IGF2R: variants seen among roughly 807,000 people sequenced by gnomAD.
IGF2R encodes the protein cation-independent mannose-6-phosphate receptor.
IGF2R carries 91 observed loss-of-function variants against 270.6 expected under a neutral mutation model. The observed-to-expected ratio is 0.34, with a 90% confidence interval of 0.28 to 0.40. IGF2R has a LOEUF of 0.40. Among genes scored for constraint, IGF2R ranks in the 10% least tolerant of loss-of-function variants. The pLI is 1.00. For missense variants in IGF2R, 2,805 were observed against 3,188.3 expected (o/e 0.88, Z 2.90); for synonymous variants, 1,316 against 1,258.9 (o/e 1.05, Z -0.96).
intron 3 of IGF2R, 51 bp from the exon 4 acceptor site, chr6:160,010,636 C>T (rs758024193): frequency 1.8e-6 from 2 of 1,108,562 alleles, no homozygotes; most frequent in Non-Finnish European, 2.7e-6. Flanking sequence ...AAAGAAGAAT[C>T]TTTACAATGT....
intron 20 of IGF2R, among the ~76,000 whole-genome samples, chr6:160,057,738 C>G (rs961449330): frequency 6.6e-6 from 1 of 152,170 alleles, no homozygotes; most frequent in Non-Finnish European, 1.5e-5. Context: ...TATTTCCTCT[C>G]CAACTTTAGG....
intron 30 of IGF2R, among the ~76,000 whole-genome samples, chr6:160,069,636 A>G (rs1778671154): frequency 2.0e-5 from 3 of 152,018 alleles, no homozygotes; most frequent in Admixed American, 6.6e-5. Context: ...ATTCCTCTAC[A>G]CTCACGCCCG....
At chr6:160,093,612 C>A in intron 44 of IGF2R, 1 of 704,584 alleles carries the variant, frequency 1.4e-6, no homozygotes. Flanking sequence ...ATCATCAATG[C>A]CTTCCTTCCA....
intron 12 of IGF2R, 26 bp from the exon 13 acceptor site, chr6:160,044,488 C>T: frequency 6.4e-7 from 1 of 1,557,140 alleles, no homozygotes; most frequent in Non-Finnish European, 8.8e-7. Context: ...ACCACATCTT[C>T]TGTTTTCTCC....
intron 10 of IGF2R, among the ~76,000 whole-genome samples, chr6:160,035,920 C>T (rs764505809): frequency 3.9e-5 from 6 of 152,138 alleles, no homozygotes; most frequent in South Asian, 2.1e-4. Context: ...GGAAGTGCTG[C>T]CTGAGCCACA....
chr6:160,088,102 T>C lies in IGF2R; in HGVS notation c.6275T>C (p.Ile2092Thr). ...GGAAATAAGACCGCATCCTCCGTGATAGAATTGACCTGTACAAAGACGGTG... is the reference window on the plus strand; with the variant it reads ...GGAAATAAGACCGCATCCTCCGTGACAGAATTGACCTGTACAAAGACGGTG... ...CGGNKTASSV[I>T]ELTCTKTVGR... The change falls in exon 42 of 48, where the codon ATA becomes ACA. Residue 2092 changes from isoleucine to threonine, a missense_variant. Physicochemically the swap from Ile to Thr is moderately conservative, Grantham distance 89. Around this residue, in one of 2 missense-constraint regions of IGF2R, gnomAD observed 1,851 missense variants for 2,207.2 expected, o/e 0.84. Transcript: ENST00000356956. 1.9e-6 allele frequency: 3 copies of C among 1,614,008 alleles called. No individual in the cohort carries two copies. The highest frequency in any genetic ancestry group is 2.5e-6 in the Non-Finnish European group (3 of 1,179,848).
chr6:160,013,101 G>C (rs1252846463), intron 4 of IGF2R, among the ~76,000 whole-genome samples: 1 of 151,896 alleles, frequency 6.6e-6, no homozygotes, highest in East Asian at 1.9e-4. Flanking sequence ...TACCCTTTTT[G>C]TTTTGTTTTG....
In IGF2R at chr6:160,034,491, C is replaced by T. The variant is rs1008113340; in HGVS notation, c.1284C>T (p.Ser428=). 7 of 1,610,642 alleles carry T rather than the reference C, an allele frequency of 4.3e-6. No homozygotes were observed. The highest frequency in any genetic ancestry group is 3.3e-5 in the Admixed American group (2 of 60,000). ...DECSSGFQRM[S]VINFECNKTA... ...GCAGCTCAGGGTTTCAGCGGATGAG[C>T]GTCATAAACTTTGAGTGCAATAAAA... is the stretch of plus-strand genomic sequence containing the variant. Residue 428 remains serine, a synonymous_variant, in exon 10 of 48, where the codon AGC becomes AGT. Coordinates refer to ENST00000356956, the MANE Select transcript of IGF2R (RefSeq NM_000876.4).
At chr6:160,093,427 C>G (rs1016155572) in intron 44 of IGF2R, 2 of 347,834 alleles carry the variant, frequency 5.7e-6, no homozygotes, top group African/African-American at 4.2e-5. Context: ...GTGATGGGGT[C>G]TCAGGCCTCC....
chr6:160,075,196 TAAAA>T (rs754236635), intron 35 of IGF2R, among the ~76,000 whole-genome samples: 9 of 152,150 alleles, frequency 5.9e-5, no homozygotes, highest in Non-Finnish European at 1.2e-4. Context: ...TTTTTAAAAA[TAAAA>T]AAAGAGTTTT....
intron 11 of IGF2R, among the ~76,000 whole-genome samples, chr6:160,042,543 T>G (rs1777968060): frequency 6.6e-6 from 1 of 152,218 alleles, no homozygotes; most frequent in African/African-American, 2.4e-5. Flanking sequence ...ACTCAGCTGG[T>G]GCCCCCTCAC....
rs1263259051 is a variant in IGF2R, at chr6:160,024,609, A to G, written c.551A>G (p.His184Arg). ...GTGTTTGATGAAGAGTTGAGGAAGC[A>G]TGATCTCAATCCTCTGATCAAGCTT... ...CYVFDEELRK[H>R]DLNPLIKLSG... Residue 184 changes from histidine to arginine, a missense_variant, in exon 5 of 48, where the codon CAT (histidine) becomes CGT (arginine). Transcript: ENST00000356956. The G allele has an allele frequency of 1.2e-6, 2 of 1,613,994 alleles. No homozygotes were observed. The highest frequency in any genetic ancestry group is 8.5e-7 in the Non-Finnish European group (1 of 1,179,892).
intron 19 of IGF2R, among the ~76,000 whole-genome samples, chr6:160,053,421 G>T (rs187494303): frequency 2.6e-5 from 4 of 152,084 alleles, no homozygotes; most frequent in Admixed American, 2.6e-4. Flanking sequence ...AATAAAAAAA[G>T]GTATTAAAAA....
chr6:160,032,465 C>A, intron 7 of IGF2R, 86 bp from the exon 8 acceptor site: 1 of 1,268,794 alleles, frequency 7.9e-7, no homozygotes, highest in Non-Finnish European at 1.1e-6. Context: ...AACAACCTGT[C>A]TTTGAGCTTT....
At chr6:160,078,952 C>T (rs887780560) in intron 37 of IGF2R, among the ~76,000 whole-genome samples, 1 of 152,154 alleles carries the variant, frequency 6.6e-6, no homozygotes, top group African/African-American at 2.4e-5. Context: ...GGGCCCCTGA[C>T]TCCCTAAGCC....
At chr6:160,045,191 G>A (rs1047272938) in intron 13 of IGF2R, among the ~76,000 whole-genome samples, 1 of 152,178 alleles carries the variant, frequency 6.6e-6, no homozygotes, top group Non-Finnish European at 1.5e-5. Context: ...TTGACATGGT[G>A]TGGTTTTACT....
chr6:160,080,376 G>C (rs1253489661), intron 39 of IGF2R, 101 bp downstream of exon 39: 5 of 1,134,156 alleles, frequency 4.4e-6, no homozygotes, highest in Admixed American at 5.1e-5. Context: ...TCAGTGGCAG[G>C]AATTCTCTTG....
intron 4 of IGF2R, among the ~76,000 whole-genome samples, chr6:160,019,864 G>A (rs1478033854): frequency 1.3e-5 from 2 of 152,158 alleles, no homozygotes; most frequent in Non-Finnish European, 2.9e-5. Flanking sequence ...ACTGAACAGG[G>A]AAAAGTTGAA....
At chr6:159,990,038 C>T (rs1172331103) in intron 1 of IGF2R, among the ~76,000 whole-genome samples, 1 of 152,226 alleles carries the variant, frequency 6.6e-6, no homozygotes, top group African/African-American at 2.4e-5. Context: ...CATTGCACAG[C>T]TCTGTCTTGC....
Sources: allele counts gnomAD v4.1 joint callset (sites outside exome capture counted in the v4.1 genomes callset), GRCh38; gene constraint gnomAD v4.1.1; regional missense constraint gnomAD v4.1.1; transcripts MANE v1.5; gene names NCBI Gene and HGNC (gene_info 2026-07-23, HGNC 2026-07-21).